The following ANO10 variants were observed in gnomAD, a reference collection of about 807,000 sequenced individuals.
ANO10 encodes the protein anoctamin-10.
A neutral mutation model predicts 74.7 loss-of-function variants in ANO10; 77 were observed. That is an observed-to-expected ratio of 1.03 (90% CI 0.86 to 1.25). The LOEUF (loss-of-function observed/expected upper bound fraction) is 1.25, where lower values mean the gene tolerates loss of function less well. Ranked by LOEUF, ANO10 falls within the 50% of genes most tolerant of loss-of-function variation. ANO10 has a pLI of 0.00. For synonymous variants in ANO10, 279 were observed against 284.9 expected (o/e 0.98, Z 0.21); for missense variants, 721 against 778.1 (o/e 0.93, Z 0.87).
chr3:43,431,760 G>C (rs140500213), intron 12 of ANO10, among the ~76,000 whole-genome samples: 104 of 152,162 alleles, frequency 6.8e-4, no homozygotes, highest in African/African-American at 2.4e-3. Context: ...GGCAAGTATT[G>C]GTTTGATGTG....
intron 11 of ANO10, among the ~76,000 whole-genome samples, chr3:43,541,561 G>C (rs1324911324): frequency 6.6e-6 from 1 of 152,036 alleles, no homozygotes; most frequent in Non-Finnish European, 1.5e-5. Flanking sequence ...CATTATCAAA[G>C]TCCTTATAAT....
intron 1 of ANO10, chr3:43,691,085 C>G (rs201623005): frequency 6.7e-7 from 1 of 1,503,506 alleles, no homozygotes; most frequent in Admixed American, 2.1e-5. Context: ...GGCGCGCACC[C>G]TCCGCGCGGG....
chr3:43,657,355 A>T (rs567753335), intron 1 of ANO10, among the ~76,000 whole-genome samples: 1 of 152,342 alleles, frequency 6.6e-6, no homozygotes, highest in East Asian at 1.9e-4. Flanking sequence ...CCATTGGCCC[A>T]TGTTGATCCC....
At chr3:43,683,941 A>G (rs1022447925) in intron 1 of ANO10, among the ~76,000 whole-genome samples, 2 of 152,064 alleles carry the variant, frequency 1.3e-5, no homozygotes, top group Non-Finnish European at 2.9e-5. Flanking sequence ...AAGATGGATT[A>G]AAGACTTAAA....
chr3:43,621,864 CT>C (rs2083413316), intron 1 of ANO10, 44 bp downstream of exon 1: 1 of 152,452 alleles, frequency 6.6e-6, no homozygotes, highest in Admixed American at 6.5e-5. Context: ...GGGCCGGGCT[CT>C]GCTGCGGACA....
intron 11 of ANO10, among the ~76,000 whole-genome samples, chr3:43,434,250 A>C (rs2093034204): frequency 6.6e-6 from 1 of 152,228 alleles, no homozygotes; most frequent in African/African-American, 2.4e-5. Flanking sequence ...TGACACTGGA[A>C]GATACTGATT....
At chr3:43,656,485 T>A (rs1184489772) in intron 1 of ANO10, among the ~76,000 whole-genome samples, 1 of 152,140 alleles carries the variant, frequency 6.6e-6, no homozygotes, top group Non-Finnish European at 1.5e-5. Flanking sequence ...GGGGTGGTAC[T>A]CGTCGGGGAG....
At chr3:43,485,783 A>G (rs2076458619) in intron 11 of ANO10, 1 of 251,210 alleles carries the variant, frequency 4.0e-6, no homozygotes, top group Non-Finnish European at 7.9e-6. Flanking sequence ...ATTAGGCGCA[A>G]AGATTTGCAT....
intron 8 of ANO10, among the ~76,000 whole-genome samples, chr3:43,564,375 C>A (rs1292443588): frequency 6.6e-6 from 1 of 151,440 alleles, no homozygotes; most frequent in Non-Finnish European, 1.5e-5. Flanking sequence ...AGCATATGTA[C>A]CCCATAAAAA....
At chr3:43,618,456 T>G (rs2083230119) in intron 1 of ANO10, among the ~76,000 whole-genome samples, 1 of 152,212 alleles carries the variant, frequency 6.6e-6, no homozygotes, top group East Asian at 1.9e-4. Context: ...TTGCTTGTTT[T>G]GGCTAGAATA....
chr3:43,567,616 T>C (rs2080439207), intron 7 of ANO10, among the ~76,000 whole-genome samples: 1 of 152,028 alleles, frequency 6.6e-6, no homozygotes, highest in Admixed American at 6.5e-5. Flanking sequence ...TAAAATACTT[T>C]ATAGACAAGC....
At chr3:43,369,921 C>T (rs1455207043) in intron 12 of ANO10, among the ~76,000 whole-genome samples, 1 of 152,218 alleles carries the variant, frequency 6.6e-6, no homozygotes, top group African/African-American at 2.4e-5. Context: ...AGGCCTCTAC[C>T]TCCCTTGGCT....
At chr3:43,662,271 T>G (rs1188551728) in intron 1 of ANO10, among the ~76,000 whole-genome samples, 1 of 152,198 alleles carries the variant, frequency 6.6e-6, no homozygotes, top group Non-Finnish European at 1.5e-5. Context: ...ACTGTACAAC[T>G]ACATGGAAAC....
chr3:43,565,994 G>C (rs944496643), intron 7 of ANO10, among the ~76,000 whole-genome samples: 1 of 152,156 alleles, frequency 6.6e-6, no homozygotes, highest in African/African-American at 2.4e-5. Context: ...TGTGCGAGCC[G>C]AAGCAGGGCA....
chr3:43,515,403 A>G (rs2077669406), intron 11 of ANO10, among the ~76,000 whole-genome samples: 1 of 152,188 alleles, frequency 6.6e-6, no homozygotes, highest in Admixed American at 6.5e-5. Context: ...CACTCACATC[A>G]TGGGCTCTCC....
intron 1 of ANO10, among the ~76,000 whole-genome samples, chr3:43,644,540 G>GAGA (rs1348896117): frequency 2.6e-5 from 4 of 152,156 alleles, no homozygotes; most frequent in African/African-American, 9.7e-5. Context: ...TCCAAGATCT[G>GAGA]GCCTACCTGG....
chr3:43,546,049 C>T (rs1398647464), intron 11 of ANO10, among the ~76,000 whole-genome samples: 1 of 152,144 alleles, frequency 6.6e-6, no homozygotes, highest in African/African-American at 2.4e-5. Context: ...ACAGCTTGAG[C>T]TTGGTTTTGT....
chr3:43,426,957 A>G (rs182727864), intron 12 of ANO10, among the ~76,000 whole-genome samples: 1 of 152,202 alleles, frequency 6.6e-6, no homozygotes, highest in African/African-American at 2.4e-5. Flanking sequence ...TCCTTCCCAC[A>G]TTCATTTCAG....
At chr3:43,604,161 G>A (rs939952843) in intron 2 of ANO10, among the ~76,000 whole-genome samples, 1 of 152,062 alleles carries the variant, frequency 6.6e-6, no homozygotes, top group Admixed American at 6.5e-5. Flanking sequence ...ATAATGTAGC[G>A]TGCTCAGATC....
Sources: allele counts gnomAD v4.1 joint callset (sites outside exome capture counted in the v4.1 genomes callset), GRCh38; gene constraint gnomAD v4.1.1; transcripts MANE v1.5; gene names NCBI Gene and HGNC (gene_info 2026-07-23, HGNC 2026-07-21).